Variants in KPNA7 observed in about 807,000 individuals in gnomAD.
The protein encoded by KPNA7 is importin subunit alpha-8.
Under a neutral mutation model 53.7 loss-of-function variants are expected in KPNA7, and 54 were observed. That is an observed-to-expected ratio of 1.01 (90% confidence interval 0.81 to 1.26). The LOEUF is 1.26. Ranked by LOEUF, KPNA7 falls within the 50% of genes most tolerant of loss-of-function variation. KPNA7 has a pLI of 0.00. For synonymous variants in KPNA7, 276 were observed against 259.3 expected (o/e 1.06, Z -0.62); for missense variants, 640 against 644.5 (o/e 0.99, Z 0.07).
In KPNA7 at chr7:99,177,900, C is replaced by A. The variant is rs780028752; in HGVS notation, c.1464+20G>T. 1 of 1,551,362 alleles carries A rather than the reference C, an allele frequency of 6.4e-7. No individual in the cohort carries two copies. Among genetic ancestry groups the A allele is most frequent in the South Asian group, 1.2e-5 (1 of 83,852 alleles). ...CCACCAAGACCCCTGGATACTCCTC[C>A]ACGCTCCTAAGTCACTTACCTCACC... On this transcript the variant is annotated intron_variant, in intron 10 of 10. Transcript: ENST00000327442.
intron 8 of KPNA7, 117 bp from the exon 9 acceptor site, chr7:99,182,182 C>T: frequency 2.9e-6 from 2 of 692,816 alleles, no homozygotes; most frequent in Non-Finnish European, 4.6e-6. Context: ...GTACAATTTA[C>T]ATAGAATGCC....
At chr7:99,213,430 TAAAAAAA>T (rs61231738) in intron 1 of KPNA7, among the ~76,000 whole-genome samples, 2,638 of 72,920 alleles carry the variant, frequency 0.036, 121 homozygotes, top group African/African-American at 0.12. Flanking sequence ...CCTGGCCTTT[TAAAAAAA>T]AAAAAAAAAA....
chr7:99,192,293 G>C (rs17161611), intron 6 of KPNA7, among the ~76,000 whole-genome samples: 12,981 of 152,196 alleles, frequency 0.085, 580 homozygotes, highest in South Asian at 0.15. Flanking sequence ...CATCTATTTT[G>C]CAAGATGGCA....
At chr7:99,187,811 AAAAAAAAAAAAAAAAAAAAAAAAAC>A in intron 7 of KPNA7, among the ~76,000 whole-genome samples, 1 of 125,868 alleles carries the variant, frequency 7.9e-6, no homozygotes, top group African/African-American at 3.1e-5. Context: ...AAAAAAAAAA[AAAAAAAAAAAAAAAAAAAAAAAAAC>A]CCACTAGGAT....
At chr7:99,165,008 G>A in the KPNA7 span, among the ~76,000 whole-genome samples, 1 of 152,284 alleles carries the variant, frequency 6.6e-6, no homozygotes, top group African/African-American at 2.4e-5. Flanking sequence ...GAGCATGGTG[G>A]CATGTGCCTG....
chr7:99,157,263 G>T, the KPNA7 span, among the ~76,000 whole-genome samples: 1 of 152,174 alleles, frequency 6.6e-6, no homozygotes, highest in Non-Finnish European at 1.5e-5. Flanking sequence ...AGGCTGGAGT[G>T]CAATGGCTCA....
the KPNA7 span, among the ~76,000 whole-genome samples, chr7:99,158,543 G>A: frequency 2.6e-4 from 39 of 151,620 alleles, no homozygotes; most frequent in African/African-American, 8.2e-4. Flanking sequence ...TCACTCTGTC[G>A]CCCAGGCTGG....
intron 7 of KPNA7, among the ~76,000 whole-genome samples, chr7:99,186,449 GC>G (rs1434542371): frequency 6.6e-6 from 1 of 152,144 alleles, no homozygotes; most frequent in Non-Finnish European, 1.5e-5. Context: ...CTCCAAATAG[GC>G]CCCAGAACCC....
the KPNA7 span, among the ~76,000 whole-genome samples, chr7:99,154,138 T>A: frequency 6.7e-6 from 1 of 150,156 alleles, no homozygotes; most frequent in Non-Finnish European, 1.5e-5. Flanking sequence ...CACACACTTT[T>A]TTTTTTTTTT....
chr7:99,169,822 C>T (rs1022352621), downstream of KPNA7, among the ~76,000 whole-genome samples: 2 of 152,046 alleles, frequency 1.3e-5, no homozygotes, highest in African/African-American at 4.8e-5. Flanking sequence ...GGGCGGATCA[C>T]TTCAGGTCAG....
chr7:99,177,885 C>G lies in KPNA7; in HGVS notation c.1464+35G>C, dbSNP rs543086499. ...CTCTGCAGAGCTGCCCCACCAAGAC[C>G]CCTGGATACTCCTCCACGCTCCTAA... On this transcript the variant is annotated intron_variant, in intron 10 of 10. Coordinates refer to ENST00000327442, the MANE Select transcript of KPNA7 (RefSeq NM_001145715.3). 4 of 1,549,774 alleles carry G rather than the reference C, an allele frequency of 2.6e-6. No individual in the cohort carries two copies. In the Admixed American group the frequency reaches 7.9e-5, roughly 31 times the overall value.
chr7:99,152,575 G>A, the KPNA7 span, among the ~76,000 whole-genome samples: 2 of 152,058 alleles, frequency 1.3e-5, no homozygotes, highest in African/African-American at 2.4e-5. Context: ...TTTCTAAAGA[G>A]ATTTAAAAAT....
chr7:99,152,298 G>A, the KPNA7 span, among the ~76,000 whole-genome samples: 1 of 150,646 alleles, frequency 6.6e-6, no homozygotes, highest in Non-Finnish European at 1.5e-5. Context: ...AGAGGCAGAA[G>A]TTGCCGTGAG....
At chr7:99,212,176 C>T (rs545517822), upstream of KPNA7, among the ~76,000 whole-genome samples, 1 of 150,142 alleles carries the variant, frequency 6.7e-6, no homozygotes, top group Admixed American at 6.7e-5. Flanking sequence ...CATTGCAAGA[C>T]AGCCTCAGCA....
intron 10 of KPNA7, among the ~76,000 whole-genome samples, chr7:99,177,508 G>T (rs1474707086): frequency 1.5e-5 from 2 of 137,640 alleles, no homozygotes; most frequent in Non-Finnish European, 3.0e-5. Context: ...CTGGAAGGCA[G>T]AAGTTGCAGT....
At chr7:99,160,913 C>G in the KPNA7 span, among the ~76,000 whole-genome samples, 1 of 151,826 alleles carries the variant, frequency 6.6e-6, no homozygotes. Context: ...GTCACCCAGA[C>G]TGGAGTGCAG....
intron 8 of KPNA7, among the ~76,000 whole-genome samples, chr7:99,182,546 G>A (rs1228010047): frequency 6.6e-6 from 1 of 152,056 alleles, no homozygotes; most frequent in Non-Finnish European, 1.5e-5. Flanking sequence ...TGTTGGCCAG[G>A]CTGGTCTCAA....
intron 1 of KPNA7, among the ~76,000 whole-genome samples, chr7:99,216,992 C>A (rs1316953432): frequency 2.0e-5 from 3 of 152,144 alleles, no homozygotes; most frequent in Non-Finnish European, 4.4e-5. Flanking sequence ...TTTTCTAGAT[C>A]TAGCTGAGTT....
chr7:99,203,319 C>G (rs1010084938), intron 2 of KPNA7, 79 bp from the exon 3 acceptor site: 1 of 1,414,444 alleles, frequency 7.1e-7, no homozygotes, highest in African/African-American at 1.4e-5. Flanking sequence ...TGTTTCAAAG[C>G]ATCCAATTTC....
Sources: gnomAD v4.1 joint callset for allele counts (sites outside exome capture counted in the v4.1 genomes callset) on GRCh38, gnomAD v4.1.1 for gene constraint, MANE v1.5 for transcripts, NCBI Gene and HGNC (gene_info 2026-07-23, HGNC 2026-07-21) for gene names.